COL22A1: variants seen among roughly 807,000 people sequenced by gnomAD.
The protein encoded by COL22A1 is collagen type XXII alpha 1 chain.
In COL22A1, 221 loss-of-function variants were observed where a neutral mutation model predicts 248.9. That is an observed-to-expected ratio of 0.89 (90% CI 0.80 to 0.99). The LOEUF is 0.99. Ranked by LOEUF, COL22A1 falls within the 50% of genes least tolerant of loss-of-function variation. The pLI, the probability that COL22A1 is intolerant of heterozygous loss-of-function variation, is 0.00. For missense variants in COL22A1, 2,240 were observed against 2,179.0 expected, an observed-to-expected ratio of 1.03 and a Z score of -0.56; for synonymous variants, 891 against 793.4, an observed-to-expected ratio of 1.12 and a Z score of -2.07.
At chr8:138,633,071 C>T (rs1198672118) in intron 49 of COL22A1, among the ~76,000 whole-genome samples, 1 of 152,158 alleles carries the variant, frequency 6.6e-6, no homozygotes, top group Non-Finnish European at 1.5e-5. Flanking sequence ...TCCAACAGGG[C>T]CTGACAATTA....
At chr8:138,728,026 TTTTTTG>T (rs1385162055) in intron 23 of COL22A1, among the ~76,000 whole-genome samples, 1 of 152,070 alleles carries the variant, frequency 6.6e-6, no homozygotes, top group Admixed American at 6.6e-5. Context: ...CAGGCAATGT[TTTTTTG>T]TTTTTGTTTT....
chr8:138,822,886 C>T (rs1819263153), intron 6 of COL22A1, among the ~76,000 whole-genome samples: 1 of 152,220 alleles, frequency 6.6e-6, no homozygotes, highest in Non-Finnish European at 1.5e-5. Context: ...GTTCCCCTGC[C>T]TATCCAGGCC....
chr8:138,640,724 C>A (rs1175255190), intron 47 of COL22A1, among the ~76,000 whole-genome samples: 1 of 152,192 alleles, frequency 6.6e-6, no homozygotes, highest in African/African-American at 2.4e-5. Context: ...TGCTTCCTAC[C>A]TGCTGTGATT....
chr8:138,728,471 T>A (rs539976735), intron 23 of COL22A1, among the ~76,000 whole-genome samples: 2 of 152,214 alleles, frequency 1.3e-5, no homozygotes, highest in South Asian at 4.2e-4. Flanking sequence ...TGTCTAAGGA[T>A]GCCGATGACC....
intron 52 of COL22A1, 101 bp downstream of exon 52, chr8:138,623,631 A>G (rs1820002093): frequency 7.2e-6 from 7 of 978,582 alleles, no homozygotes; most frequent in South Asian, 1.5e-5. Flanking sequence ...GAAAATGCCT[A>G]TCTTCGAGAC....
At chr8:138,662,248 A>C (rs960881923) in intron 42 of COL22A1, among the ~76,000 whole-genome samples, 165 bp from the exon 43 acceptor site, 5 of 152,220 alleles carry the variant, frequency 3.3e-5, no homozygotes, top group Non-Finnish European at 7.3e-5. Flanking sequence ...TACTCAACTG[A>C]CTGTACCCTA....
chr8:138,591,468 G>C lies in COL22A1; in HGVS notation c.4649C>G (p.Pro1550Arg). 6.3e-7 allele frequency: 1 copy of C among 1,577,676 alleles called. No homozygotes were observed. Residue 1550 changes from proline (P) to arginine (R), a missense_variant, in exon 64 of 65, where the codon CCT becomes CGT. Transcript: ENST00000303045. Reference protein sequence around the residue: ...ERGAKGDPGAPGVGLRGEMGP... With the variant: ...ERGAKGDPGARGVGLRGEMGP... ...CATCTCGCCTCGGAGGCCAACTCCA[G>C]GTGCACCTGGGTCACCTTTGGCTCC...
At chr8:138,834,128 G>A (rs1820256819) in intron 4 of COL22A1, among the ~76,000 whole-genome samples, 1 of 152,162 alleles carries the variant, frequency 6.6e-6, no homozygotes, top group Admixed American at 6.5e-5. Flanking sequence ...GAGGCTAACA[G>A]TGTGACTCAA....
At chr8:138,908,863 A>C (rs1224120763) in intron 1 of COL22A1, among the ~76,000 whole-genome samples, 1 of 152,214 alleles carries the variant, frequency 6.6e-6, no homozygotes, top group Non-Finnish European at 1.5e-5. Flanking sequence ...GAGTGCTTTC[A>C]TTTGAGTAAG....
chr8:138,636,245 C>T (rs1821147317), intron 48 of COL22A1, among the ~76,000 whole-genome samples: 1 of 151,544 alleles, frequency 6.6e-6, no homozygotes, highest in Non-Finnish European at 1.5e-5. Flanking sequence ...AGCAGTGAGC[C>T]CTTATTGGTA....
chr8:138,867,739 G>C (rs569302344), intron 3 of COL22A1, among the ~76,000 whole-genome samples: 2 of 152,146 alleles, frequency 1.3e-5, no homozygotes, highest in Non-Finnish European at 2.9e-5. Context: ...TAGAGAGTAG[G>C]TAGTATTATT....
chr8:138,701,791 G>T (rs1445426052), intron 31 of COL22A1, among the ~76,000 whole-genome samples: 1 of 152,234 alleles, frequency 6.6e-6, no homozygotes, highest in Non-Finnish European at 1.5e-5. Flanking sequence ...CGTCCACATA[G>T]GTGGCCTGGG....
At chr8:138,796,696 A>T (rs926491521) in intron 12 of COL22A1, 123 bp downstream of exon 12, 2 of 765,774 alleles carry the variant, frequency 2.6e-6, no homozygotes, top group Admixed American at 1.8e-5. Flanking sequence ...TACACAGCCC[A>T]GGACACCTCT....
In COL22A1 at chr8:138,793,775, G is replaced by A. The variant is rs375454757; in HGVS notation, c.1596+3044C>T. ...GGAGAACAGGCATCCAAGGCTGCCCGCTGTGAGCTCACCCCAGAGCCAATG... is the reference window on the plus strand; with the variant it reads ...GGAGAACAGGCATCCAAGGCTGCCCACTGTGAGCTCACCCCAGAGCCAATG... On this transcript the variant is annotated intron_variant, in intron 12 of 64. Coordinates refer to ENST00000303045, the MANE Select transcript of COL22A1 (RefSeq NM_152888.3). Among the ~76,000 whole-genome samples, 43 of 152,190 alleles carry A rather than the reference G, an allele frequency of 2.8e-4. 1 individual carries two copies. The highest frequency in any genetic ancestry group is 4.3e-4 in the Non-Finnish European group (29 of 68,048).
chr8:138,613,205 G>A (rs780338558), intron 56 of COL22A1, among the ~76,000 whole-genome samples: 5 of 150,932 alleles, frequency 3.3e-5, no homozygotes, highest in African/African-American at 9.7e-5. Flanking sequence ...CGGAGATCAC[G>A]CCAGTGCACT....
At position 138,752,199 on chromosome 8, in the gene COL22A1, A is replaced by C. The variant is rs148134472; in HGVS notation, c.2032-688T>G. On this transcript the variant is annotated intron_variant, in intron 21 of 64. Transcript: ENST00000303045. The stretch of plus-strand genomic sequence containing the variant: ...GCACAGCACCCAGGTCCCCTGACAG[A>C]ACCCTGATTTATACCACAGAATGAG... Among the ~76,000 whole-genome samples the C allele has an allele frequency of 5.3e-3, 813 of 152,318 alleles. 6 individuals are homozygous for C. The highest frequency in any genetic ancestry group is 0.025 in the South Asian group (121 of 4,822).
chr8:138,691,876 G>A (rs1416441651), intron 35 of COL22A1, among the ~76,000 whole-genome samples: 2 of 149,860 alleles, frequency 1.3e-5, no homozygotes, highest in African/African-American at 4.9e-5. Context: ...GCATGTTTGT[G>A]GAGGTGTATG....
chr8:138,708,434 C>T (rs544328124), intron 30 of COL22A1, among the ~76,000 whole-genome samples: 29 of 152,252 alleles, frequency 1.9e-4, no homozygotes, highest in South Asian at 6.2e-4. Context: ...GGTACCAAAA[C>T]GGAGATATAG....
chr8:138,654,008 T>C (rs1000428443), intron 45 of COL22A1, among the ~76,000 whole-genome samples: 17 of 152,240 alleles, frequency 1.1e-4, no homozygotes, highest in African/African-American at 3.9e-4. Context: ...GCTGCTCTGA[T>C]GAGCACAGCT....
Sources: gnomAD v4.1 joint callset for allele counts (sites outside exome capture counted in the v4.1 genomes callset) on GRCh38, gnomAD v4.1.1 for gene constraint, MANE v1.5 for transcripts, NCBI Gene and HGNC (gene_info 2026-07-23, HGNC 2026-07-21) for gene names.